PRKN: variants seen among roughly 807,000 people sequenced by gnomAD.
The protein encoded by PRKN is parkin RBR E3 ubiquitin protein ligase.
In PRKN, 56 loss-of-function variants were observed where a neutral mutation model predicts 59.5. The ratio of observed to expected loss-of-function variants is 0.94; its 90% CI spans 0.76 to 1.18. The LOEUF (loss-of-function observed/expected upper bound fraction) is 1.18. Ranked by LOEUF, PRKN falls within the 50% of genes most tolerant of loss-of-function variation. The pLI, the probability that PRKN is intolerant of heterozygous loss-of-function variation, is 0.00. For missense variants in PRKN, 657 were observed against 596.4 expected, an observed-to-expected ratio of 1.10 and a Z score of -1.06; for synonymous variants, 250 against 222.1, an observed-to-expected ratio of 1.13 and a Z score of -1.12.
chr6:162,406,439 T>C (rs1273649564), intron 2 of PRKN, among the ~76,000 whole-genome samples: 1 of 152,208 alleles, frequency 6.6e-6, no homozygotes, highest in Non-Finnish European at 1.5e-5. Context: ...TCATCAAATA[T>C]TATAAAGAAT....
intron 4 of PRKN, among the ~76,000 whole-genome samples, chr6:162,142,629 T>C (rs1456723660): frequency 6.6e-6 from 1 of 152,146 alleles, no homozygotes; most frequent in East Asian, 1.9e-4. Context: ...ATCAAATTAT[T>C]TGAGTTAATA....
rs1440828396 is a variant in PRKN at position 161,575,648 on chromosome 6, A to T, written c.872-6232T>A. Among the ~76,000 whole-genome samples the T allele has an allele frequency of 2.6e-5, 4 of 152,200 alleles. No homozygotes were observed. The highest frequency in any genetic ancestry group is 5.9e-5 in the Non-Finnish European group (4 of 68,038). ...TTGGGTTCAATGGAAAATCGTGAGCACCCAGGCTTGGGATAGAAATGGAAA... is the reference window on the plus strand; with the variant it reads ...TTGGGTTCAATGGAAAATCGTGAGCTCCCAGGCTTGGGATAGAAATGGAAA... On this transcript the variant is annotated intron_variant, in intron 7 of 11. Transcript: ENST00000366898. The surrounding 1 kb of genome is among the most constrained non-coding windows in gnomAD (Gnocchi z 4.6).
At chr6:162,278,967 A>AAT (rs1554294656) in intron 2 of PRKN, among the ~76,000 whole-genome samples, 1 of 152,084 alleles carries the variant, frequency 6.6e-6, no homozygotes, top group African/African-American at 2.4e-5. Flanking sequence ...TTTTTAAAAA[A>AAT]TTTTTTAAAG....
intron 5 of PRKN, among the ~76,000 whole-genome samples, chr6:162,019,973 T>G (rs1351336043): frequency 6.6e-6 from 1 of 151,838 alleles, no homozygotes; most frequent in East Asian, 1.9e-4. Context: ...GAGCCAAGAT[T>G]GTGACATTGC....
intron 6 of PRKN, among the ~76,000 whole-genome samples, chr6:161,948,276 C>T (rs1006756016): frequency 5.9e-5 from 9 of 152,080 alleles, no homozygotes; most frequent in South Asian, 2.1e-4. Flanking sequence ...CATGAGCCAC[C>T]GCGCCCGGTT....
chr6:161,783,317 A>G (rs1182426565), intron 7 of PRKN, among the ~76,000 whole-genome samples: 1 of 152,172 alleles, frequency 6.6e-6, no homozygotes, highest in East Asian at 1.9e-4. Context: ...CTAGGCCTAG[A>G]AACAGTAACC....
chr6:161,877,743 C>T (rs997461630), intron 6 of PRKN, among the ~76,000 whole-genome samples: 2 of 152,066 alleles, frequency 1.3e-5, no homozygotes, highest in Non-Finnish European at 2.9e-5. Flanking sequence ...GCTGGGATTA[C>T]AGGCGGGAGC....
intron 4 of PRKN, among the ~76,000 whole-genome samples, chr6:162,191,927 G>A (rs1386347454): frequency 2.0e-5 from 3 of 152,154 alleles, no homozygotes; most frequent in African/African-American, 7.2e-5. Context: ...TCTGCTGTGT[G>A]AGTGCCTGAT....
intron 4 of PRKN, among the ~76,000 whole-genome samples, chr6:162,093,491 C>G (rs903028090): frequency 6.6e-6 from 1 of 152,164 alleles, no homozygotes; most frequent in African/African-American, 2.4e-5. Context: ...CAGTAAAATT[C>G]TCCCGCACTA....
intron 2 of PRKN, among the ~76,000 whole-genome samples, chr6:162,400,313 C>T (rs1473100646): frequency 6.6e-6 from 1 of 151,320 alleles, no homozygotes; most frequent in East Asian, 1.9e-4. Flanking sequence ...GTAGACAACA[C>T]CAGATTATAA....
rs1274216211 is a variant in PRKN, at chr6:161,409,297, T to C, written c.1084-22420A>G. Among the ~76,000 whole-genome samples the C allele has an allele frequency of 6.6e-6, 1 of 152,226 alleles. No homozygotes were observed. The highest frequency in any genetic ancestry group is 1.9e-4 in the East Asian group (1 of 5,196). On this transcript the variant is annotated intron_variant, in intron 9 of 11. Transcript: ENST00000366898. This position sits in a 1 kb window ranked among gnomAD's most constrained non-coding sequence, Gnocchi z 4.6. Reference sequence around the variant, plus strand: ...AATGGTTGAGAATACTCTTCATTACTACAAGCATTTTGGACAGAAAATCTC... The same window carrying C: ...AATGGTTGAGAATACTCTTCATTACCACAAGCATTTTGGACAGAAAATCTC...
At chr6:162,480,738 TAAAG>T (rs1459651338) in intron 1 of PRKN, among the ~76,000 whole-genome samples, 1 of 152,076 alleles carries the variant, frequency 6.6e-6, no homozygotes, top group African/African-American at 2.4e-5. Flanking sequence ...CACCAAGTCA[TAAAG>T]AAGAAGTCAA....
intron 9 of PRKN, among the ~76,000 whole-genome samples, chr6:161,519,685 G>A (rs1428004213): frequency 6.6e-6 from 1 of 152,194 alleles, no homozygotes; most frequent in East Asian, 1.9e-4. Flanking sequence ...TTTTACATAA[G>A]GTTAGTCCTT....
intron 4 of PRKN, among the ~76,000 whole-genome samples, chr6:162,187,462 G>C (rs1381606892): frequency 6.6e-6 from 1 of 152,132 alleles, no homozygotes; most frequent in Non-Finnish European, 1.5e-5. Flanking sequence ...AAACAGAAGA[G>C]AGCAAAATGG....
At chr6:162,052,231 G>C (rs1365018639) in intron 5 of PRKN, among the ~76,000 whole-genome samples, 1 of 151,806 alleles carries the variant, frequency 6.6e-6, no homozygotes, top group Non-Finnish European at 1.5e-5. Flanking sequence ...TGTCTTATCT[G>C]CTGTTCAGCC....
chr6:161,571,523 T>A (rs1780889171), intron 7 of PRKN, among the ~76,000 whole-genome samples: 1 of 152,192 alleles, frequency 6.6e-6, no homozygotes, highest in Non-Finnish European at 1.5e-5. Context: ...ACAGATTAGA[T>A]CTGTGCATTG....
At chr6:161,569,489 A>G (rs1041846663) in intron 7 of PRKN, 73 bp from the exon 8 acceptor site, 2 of 1,252,928 alleles carry the variant, frequency 1.6e-6, no homozygotes, top group African/African-American at 2.9e-5. Flanking sequence ...ACACAGAGTT[A>G]TGACTATCAA....
At position 161,487,666 on chromosome 6, in the gene PRKN, G is replaced by A. The variant is rs1777376409; in HGVS notation, c.1083+61188C>T. On this transcript the variant is annotated intron_variant, in intron 9 of 11. Coordinates refer to ENST00000366898, the MANE Select transcript of PRKN (RefSeq NM_004562.3). This position sits in a 1 kb window ranked among gnomAD's most constrained non-coding sequence, Gnocchi z 5.3. ...ATTGACTACTGATATGATAATATGTGTATTCATGTAGGAGGTAGGGGTTGT... is the reference window on the plus strand; with the variant it reads ...ATTGACTACTGATATGATAATATGTATATTCATGTAGGAGGTAGGGGTTGT... 6.6e-6 allele frequency among the ~76,000 whole-genome samples: 1 copy of A among 152,182 alleles called. No individual in the cohort carries two copies. The highest frequency in any genetic ancestry group is 2.4e-5 in the African/African-American group (1 of 41,432).
chr6:162,677,255 A>G (rs1169756856), intron 1 of PRKN, among the ~76,000 whole-genome samples: 2 of 152,022 alleles, frequency 1.3e-5, no homozygotes, highest in African/African-American at 4.8e-5. Flanking sequence ...GGCTCAGCCA[A>G]TGACGACAGG....
Sources: gnomAD v4.1 joint callset for allele counts (sites outside exome capture counted in the v4.1 genomes callset) on GRCh38, gnomAD v4.1.1 for gene constraint, Gnocchi (gnomAD v3.1) non-coding constraint, MANE v1.5 for transcripts, NCBI Gene and HGNC (gene_info 2026-07-23, HGNC 2026-07-21) for gene names.